Variants in MARVELD3 observed in about 807,000 individuals in gnomAD.
MARVELD3 encodes MARVEL domain containing 3, also known as MARVEL domain-containing protein 3.
In MARVELD3, 28 loss-of-function variants were observed where a neutral mutation model predicts 33.5. That is an observed-to-expected ratio of 0.84 (90% CI 0.62 to 1.15). MARVELD3 has a LOEUF of 1.15. Ranked by LOEUF, MARVELD3 falls within the 50% of genes most tolerant of loss-of-function variation. The pLI, the probability that MARVELD3 is intolerant of heterozygous loss-of-function variation, is 0.00. For missense variants in MARVELD3, 582 were observed against 547.6 expected (o/e 1.06, Z -0.63); for synonymous variants, 241 against 230.4 (o/e 1.05, Z -0.42).
chr16:71,629,627 A>C, intron 2 of MARVELD3, 133 bp downstream of exon 2: 1 of 401,512 alleles, frequency 2.5e-6, no homozygotes, highest in Non-Finnish European at 4.0e-6. Context: ...TGTACTTGTG[A>C]GGTTCTTGTT....
downstream of MARVELD3, chr16:71,638,157 A>G (rs2044593692): frequency 6.6e-6 from 1 of 152,174 alleles, no homozygotes. Flanking sequence ...GACACCTAAG[A>G]AGGATTTGGG....
In MARVELD3 at chr16:71,626,604, C is replaced by T; in HGVS notation, c.375C>T (p.Asp125=). ...TRDGARGLTW[D]AAAPPGPAPW... is the part of the protein sequence containing the mutation. The stretch of plus-strand genomic sequence containing the variant: ...ACGGAGCCCGGGGACTGACCTGGGA[C>T]GCAGCCGCGCCTCCTGGGCCCGCGC... Residue 125 remains aspartate (D), a synonymous_variant, in exon 1 of 3, where the codon GAC becomes GAT. Coordinates refer to ENST00000268485, the MANE Select transcript of MARVELD3 (RefSeq NM_052858.6). The surrounding 1 kb of genome is among the most constrained non-coding windows in gnomAD (Gnocchi z 5.3). 6.5e-7 allele frequency: 1 copy of T among 1,541,704 alleles called. No individual in the cohort carries two copies. The highest frequency in any genetic ancestry group is 8.7e-7 in the Non-Finnish European group (1 of 1,146,002).
chr16:71,640,486 C>T, downstream of MARVELD3: 1 of 1,614,112 alleles, frequency 6.2e-7, no homozygotes. Context: ...GCCAGCTTTT[C>T]CAGCGGCGGT....
chr16:71,632,617 TTATC>T (rs915456337), intron 2 of MARVELD3, among the ~76,000 whole-genome samples: 7 of 151,424 alleles, frequency 4.6e-5, no homozygotes, highest in African/African-American at 1.4e-4. Flanking sequence ...ATTTATTTAT[TTATC>T]TTTTTTTTGA....
Position 71,626,429 on chromosome 16 carries a change from G to A in MARVELD3, c.200G>A (p.Gly67Glu), listed in dbSNP as rs1367275015. ...CCGGAGAGAGACCAGGAGAGGGACG[G>A]GAACCGCGACCGGAACCGGGACCGG... Reference protein sequence around the residue: ...RDPERDQERDGNRDRNRDRER... With the variant: ...RDPERDQERDENRDRNRDRER... Residue 67 changes from glycine to glutamate, a missense_variant, in exon 1 of 3, where the codon GGG (glycine) becomes GAG (glutamate). By Grantham distance (98) the Gly-to-Glu change is moderately conservative. Coordinates refer to ENST00000268485, the MANE Select transcript of MARVELD3 (RefSeq NM_052858.6). The surrounding 1 kb of genome is among the most constrained non-coding windows in gnomAD (Gnocchi z 5.3). The A allele has an allele frequency of 1.0e-5, 16 of 1,548,166 alleles. No homozygotes were observed. Among genetic ancestry groups the A allele is most frequent in the Non-Finnish European group, 1.3e-5 (15 of 1,146,230 alleles).
In MARVELD3 at chr16:71,626,280, G is replaced by A; in HGVS notation, c.51G>A (p.Arg17=). 1.9e-6 allele frequency: 3 copies of A among 1,541,732 alleles called. No homozygotes were observed. Among genetic ancestry groups the A allele is most frequent in the Non-Finnish European group, 2.6e-6 (3 of 1,142,912 alleles). The change falls in exon 1 of 3, where the codon CGG becomes CGA. Residue 17 remains arginine (R), a synonymous_variant. Transcript: ENST00000268485. The surrounding 1 kb of genome is among the most constrained non-coding windows in gnomAD (Gnocchi z 5.3). ...AGCCCCGGGCCCGGCCGAGAGAGCG[G>A]GACCCGGGACGGCGCCCCCACCCAG... ...AREPRARPRE[R]DPGRRPHPDQ...
chr16:71,632,769 A>G (rs1224519766), intron 2 of MARVELD3, among the ~76,000 whole-genome samples: 1 of 151,580 alleles, frequency 6.6e-6, no homozygotes, highest in Non-Finnish European at 1.5e-5. Context: ...GCACCACCAC[A>G]CCTGGCTAAT....
chr16:71,629,250 C>G (rs1026463974), intron 1 of MARVELD3, 117 bp from the exon 2 acceptor site: 1 of 1,199,146 alleles, frequency 8.3e-7, no homozygotes, highest in Non-Finnish European at 1.1e-6. Flanking sequence ...AATACCGGGA[C>G]AAATTCTATT....
downstream of MARVELD3, chr16:71,640,527 G>A (rs200541338): frequency 2.0e-5 from 33 of 1,614,170 alleles, no homozygotes; most frequent in Non-Finnish European, 2.5e-5. Context: ...CTCACCGTTC[G>A]AGGGCACTGA....
In MARVELD3 at chr16:71,626,187, G is replaced by A. The variant is rs773590467; in HGVS notation, c.-43G>A. ...CACCTGCCCAAGAAACTTGTTGGTT[G>A]TTGCCCTCAGGTCGCTCCCGGGCGG... is the stretch of plus-strand genomic sequence containing the variant. On this transcript the variant is annotated 5_prime_UTR_variant, in exon 1 of 3. Coordinates refer to ENST00000268485, the MANE Select transcript of MARVELD3 (RefSeq NM_052858.6). This position sits in a 1 kb window ranked among gnomAD's most constrained non-coding sequence, Gnocchi z 5.3. The A allele has an allele frequency of 6.2e-5, 89 of 1,430,514 alleles. No individual in the cohort carries two copies. The highest frequency in any genetic ancestry group is 8.1e-5 in the Non-Finnish European group (88 of 1,091,134). 88.6% of individuals were successfully genotyped at this position (1,430,514 alleles called of 1,614,324 possible).
Position 71,634,573 on chromosome 16 carries a change from C to T in MARVELD3, c.976C>T (p.His326Tyr). 6.2e-7 allele frequency: 1 copy of T among 1,614,204 alleles called. No homozygotes were observed. Among genetic ancestry groups the T allele is most frequent in the Non-Finnish European group, 8.5e-7 (1 of 1,180,038 alleles). Residue 326 changes from histidine to tyrosine, a missense_variant, in exon 3 of 3, where the codon CAC becomes TAC. Physicochemically the swap from His to Tyr is moderately conservative, Grantham distance 83 (BLOSUM62 2). Transcript: ENST00000268485. ...CATCCCGGCCTTGTACTTCTACTTCCACTACCTCTCTGCTGCCTATGGCTC... is the reference window on the plus strand; with the variant it reads ...CATCCCGGCCTTGTACTTCTACTTCTACTACCTCTCTGCTGCCTATGGCTC... ...GYIPALYFYF[H>Y]YLSAAYGSPV...
chr16:71,637,245 CT>C (rs1364225344), downstream of MARVELD3, among the ~76,000 whole-genome samples: 2 of 152,142 alleles, frequency 1.3e-5, no homozygotes, highest in Non-Finnish European at 2.9e-5. Flanking sequence ...TTGACAAGAT[CT>C]AGATTTATTC....
In MARVELD3 at chr16:71,635,499, T is replaced by C; in HGVS notation, c.*696T>C. 1 of 985,144 alleles carries C rather than the reference T, an allele frequency of 1.0e-6. No homozygotes were observed. The highest frequency in any genetic ancestry group is 1.2e-6 in the Non-Finnish European group (1 of 829,908). The allele number at this position is 985,144 out of a possible 1,614,324, so 61.0% of individuals were successfully genotyped here. On this transcript the variant is annotated 3_prime_UTR_variant, in exon 3 of 3. Transcript: ENST00000268485. ...GCTCACACCTGTAATCCCAGAGCTT[T>C]GGGAGGCTGAGGTAGGAGGATTGCT...
Position 71,634,634 on chromosome 16 carries a change from G to A in MARVELD3, c.1037G>A (p.Ser346Asn), listed in dbSNP as rs935156935. ...VCKERQALYQ[S>N]KGYSGFGCSF... ...AAAGAGAGGCAGGCGCTGTACCAAA[G>A]CAAAGGCTACAGCGGTTTCGGCTGC... Residue 346 changes from serine to asparagine, a missense_variant, in exon 3 of 3, where the codon AGC becomes AAC. Coordinates refer to ENST00000268485, the MANE Select transcript of MARVELD3 (RefSeq NM_052858.6). 1.2e-6 allele frequency: 2 copies of A among 1,614,024 alleles called. No individual in the cohort carries two copies. Among genetic ancestry groups the A allele is most frequent in the African/African-American group, 2.7e-5 (2 of 74,920 alleles).
At chr16:71,632,022 T>G (rs1033771321) in intron 2 of MARVELD3, among the ~76,000 whole-genome samples, 4 of 152,168 alleles carry the variant, frequency 2.6e-5, no homozygotes, top group Non-Finnish European at 5.9e-5. Flanking sequence ...GCACCCAGCT[T>G]ATATGATGTT....
At position 71,626,783 on chromosome 16, in the gene MARVELD3, T is replaced by G. The variant is rs2145269636; in HGVS notation, c.467+87T>G. On this transcript the variant is annotated intron_variant, in intron 1 of 2. Transcript: ENST00000268485. The surrounding 1 kb of genome is among the most constrained non-coding windows in gnomAD (Gnocchi z 5.3). ...GCGAGGCCCTGGCGTCCCCGGGTTC[T>G]CGTCCTAGGAGCCCGTTTAAATGAA... 8.8e-7 allele frequency: 1 copy of G among 1,142,844 alleles called. No homozygotes were observed. The highest frequency in any genetic ancestry group is 3.0e-5 in the East Asian group (1 of 33,024). 70.8% of individuals were successfully genotyped at this position (1,142,844 alleles called of 1,614,324 possible). A position where few individuals can be genotyped will look rare whatever the true frequency, so the allele number is the denominator to read the frequency against.
In MARVELD3 at chr16:71,634,967, G is replaced by A; in HGVS notation, c.*164G>A. On this transcript the variant is annotated 3_prime_UTR_variant, in exon 3 of 3. Transcript: ENST00000268485. ...CCCAGTCGCATGGAGCGGTGTTCAT[G>A]GATGCAACAGACCCTGGCTTCTGGA... 7.1e-7 allele frequency: 1 copy of A among 1,412,862 alleles called. No homozygotes were observed. The highest frequency in any genetic ancestry group is 9.2e-7 in the Non-Finnish European group (1 of 1,085,258). The allele number at this position is 1,412,862 out of a possible 1,614,324, so 87.5% of individuals were successfully genotyped here. A position where few individuals can be genotyped will look rare whatever the true frequency, so the allele number is the denominator to read the frequency against.
Position 71,626,714 on chromosome 16 carries a change from G to T in MARVELD3, c.467+18G>T, listed in dbSNP as rs1297859488. 7.0e-7 allele frequency: 1 copy of T among 1,433,508 alleles called. No individual in the cohort carries two copies. 88.8% of individuals were successfully genotyped at this position (1,433,508 alleles called of 1,614,324 possible). On this transcript the variant is annotated intron_variant, in intron 1 of 2. Coordinates refer to ENST00000268485, the MANE Select transcript of MARVELD3 (RefSeq NM_052858.6). This position sits in a 1 kb window ranked among gnomAD's most constrained non-coding sequence, Gnocchi z 5.3. ...CCCGAAAGGTGAGAGGGGCCGGGGC[G>T]CTGCGACCTCCGCGCCGGGGACACC... is the stretch of plus-strand genomic sequence containing the variant.
exon 3 of MARVELD3, chr16:71,641,840 C>T (rs2044621967): frequency 6.6e-6 from 1 of 152,146 alleles, no homozygotes; most frequent in African/African-American, 2.4e-5. Context: ...TTCTGCATTC[C>T]CTGACAGTGC....
Sources: gnomAD v4.1 joint callset for allele counts (sites outside exome capture counted in the v4.1 genomes callset) on GRCh38, gnomAD v4.1.1 for gene constraint, Gnocchi (gnomAD v3.1) non-coding constraint, MANE v1.5 for transcripts, NCBI Gene and HGNC (gene_info 2026-07-23, HGNC 2026-07-21) for gene names.